DENND4C: variants seen among roughly 807,000 people sequenced by gnomAD.
DENND4C encodes DENN domain containing 4C, also known as DENN domain-containing protein 4C.
A neutral mutation model predicts 203.0 loss-of-function variants in DENND4C; 108 were observed. That is an observed-to-expected ratio of 0.53 (90% CI 0.46 to 0.62). The LOEUF (loss-of-function observed/expected upper bound fraction) is 0.62, where lower values mean the gene tolerates loss of function less well. Ranked by LOEUF, DENND4C falls within the 20% of genes least tolerant of loss-of-function variation. DENND4C has a pLI of 0.00. For missense variants in DENND4C, 2,481 were observed against 2,301.2 expected (o/e 1.08, Z -1.60); for synonymous variants, 871 against 792.4 (o/e 1.10, Z -1.67).
intron 2 of DENND4C, among the ~76,000 whole-genome samples, chr9:19,280,670 G>A (rs1409199320): frequency 1.3e-5 from 2 of 151,726 alleles, no homozygotes; most frequent in African/African-American, 2.4e-5. Context: ...TTGTGTTCCA[G>A]CATTCACTGT....
At chr9:19,280,416 G>C (rs890214853) in intron 2 of DENND4C, among the ~76,000 whole-genome samples, 2 of 152,112 alleles carry the variant, frequency 1.3e-5, no homozygotes, top group African/African-American at 4.8e-5. Flanking sequence ...AAGTGTTGAG[G>C]TTACAGGCAT....
chr9:19,297,194 T>A (rs1020547463), intron 6 of DENND4C, among the ~76,000 whole-genome samples: 32 of 152,208 alleles, frequency 2.1e-4, no homozygotes, highest in African/African-American at 7.7e-4. Context: ...TTCTTACAAT[T>A]TCAGAACTTT....
At chr9:19,243,637 C>T (rs1000119078) in intron 1 of DENND4C, among the ~76,000 whole-genome samples, 1 of 152,158 alleles carries the variant, frequency 6.6e-6, no homozygotes, top group Non-Finnish European at 1.5e-5. Flanking sequence ...TGTCCAGCTT[C>T]TTCGACTTAG....
At position 19,312,787 on chromosome 9, in the gene DENND4C, TTTGTC is replaced by T. The variant is rs563503119; in HGVS notation, c.1488-3625_1488-3621del. ...ATGGTTCTGCAGTGAAATGAATACT[TTTGTC>T]TTGTAGCCACTTTAAAAAAAATCAC... On this transcript the variant is annotated intron_variant, in intron 10 of 32. Transcript: ENST00000434457. Among the ~76,000 whole-genome samples the T allele has an allele frequency of 1.9e-3, 294 of 152,350 alleles. 1 individual carries two copies. The highest frequency in any genetic ancestry group is 5.5e-3 in the African/African-American group (227 of 41,580).
intron 1 of DENND4C, among the ~76,000 whole-genome samples, chr9:19,234,857 TTAAAA>T (rs1205324621): frequency 6.6e-6 from 1 of 152,074 alleles, no homozygotes; most frequent in African/African-American, 2.4e-5. Context: ...TTTTTTACTC[TTAAAA>T]TAATGCTATA....
At chr9:19,359,629 A>T (rs1031190104) in intron 28 of DENND4C, among the ~76,000 whole-genome samples, 1 of 151,532 alleles carries the variant, frequency 6.6e-6, no homozygotes, top group African/African-American at 2.5e-5. Context: ...CTTTAGAGGG[A>T]AATGGTTTTG....
At chr9:19,240,467 A>T (rs930944635) in intron 1 of DENND4C, among the ~76,000 whole-genome samples, 1 of 152,010 alleles carries the variant, frequency 6.6e-6, no homozygotes, top group African/African-American at 2.4e-5. Flanking sequence ...GGAGTTCGAG[A>T]CCAGCCTGGT....
At position 19,361,910 on chromosome 9, in the gene DENND4C, T is replaced by C. The variant is rs746919407; in HGVS notation, c.5471T>C (p.Ile1824Thr). 60 of 1,612,580 alleles carry C rather than the reference T, an allele frequency of 3.7e-5. No individual in the cohort carries two copies. The highest frequency in any genetic ancestry group is 4.8e-5 in the Non-Finnish European group (57 of 1,178,778). The change falls in exon 30 of 33, where the codon ATC becomes ACC. Residue 1824 changes from isoleucine to threonine, a missense_variant. Transcript: ENST00000434457. ...LVYIQLLWDN[I>T]NLHQEPREPL... ...TATATTCAGCTGTTATGGGATAATA[T>C]CAACCTTCATCAGGAACCAAGAGAA... is the stretch of plus-strand genomic sequence containing the variant.
intron 6 of DENND4C, among the ~76,000 whole-genome samples, chr9:19,297,081 G>A (rs759702099): frequency 6.6e-6 from 1 of 152,080 alleles, no homozygotes; most frequent in African/African-American, 2.4e-5. Context: ...TTCTAGTGGC[G>A]CATTGACTTC....
At chr9:19,303,140 C>A (rs1186135290) in intron 9 of DENND4C, among the ~76,000 whole-genome samples, 2 of 152,014 alleles carry the variant, frequency 1.3e-5, no homozygotes, top group Non-Finnish European at 2.9e-5. Context: ...GGTTGAACAT[C>A]CCTAATCTAA....
chr9:19,267,411 C>T (rs1049909781), intron 1 of DENND4C, among the ~76,000 whole-genome samples: 2 of 152,280 alleles, frequency 1.3e-5, no homozygotes, highest in Non-Finnish European at 2.9e-5. Flanking sequence ...TTATCTGATA[C>T]AAGTATACCT....
rs144402087 is a variant in DENND4C, at chr9:19,257,523, T to C, written c.-17-18635T>C. On this transcript the variant is annotated intron_variant, in intron 1 of 32. Transcript: ENST00000434457. ...TGAAAAAGAAGAGCAAATTAAACTC[T>C]ACATAAGCAGAGAAAAGAAAATAAT... 2.6e-3 allele frequency among the ~76,000 whole-genome samples: 396 copies of C among 152,158 alleles called. 3 individuals carry two copies. The highest frequency in any genetic ancestry group is 4.8e-3 in the Non-Finnish European group (328 of 68,012).
At chr9:19,248,900 C>T (rs930637324) in intron 1 of DENND4C, among the ~76,000 whole-genome samples, 6 of 151,708 alleles carry the variant, frequency 4.0e-5, no homozygotes, top group East Asian at 3.9e-4. Context: ...TGGTGATTCT[C>T]GTGCCTCAGA....
chr9:19,291,882 C>G (rs115080868), intron 5 of DENND4C, among the ~76,000 whole-genome samples: 3,205 of 152,046 alleles, frequency 0.021, 120 homozygotes, highest in African/African-American at 0.073. Context: ...GAAGGAGAGA[C>G]TAGAAAAGGA....
intron 20 of DENND4C, 77 bp from the exon 21 acceptor site, chr9:19,340,915 A>C: frequency 8.7e-7 from 1 of 1,147,226 alleles, no homozygotes; most frequent in East Asian, 3.4e-5. Flanking sequence ...AGATCAGTGG[A>C]ATTTTCTTGT....
At chr9:19,319,381 CAT>C (rs563706089) in intron 12 of DENND4C, among the ~76,000 whole-genome samples, 2,623 of 135,262 alleles carry the variant, frequency 0.019, 86 homozygotes, top group African/African-American at 0.069. Context: ...TATACACATA[CAT>C]ATATATATAC....
At chr9:19,336,070 T>A (rs1280515111) in intron 18 of DENND4C, among the ~76,000 whole-genome samples, 200 bp from the exon 19 acceptor site, 1 of 152,108 alleles carries the variant, frequency 6.6e-6, no homozygotes, top group East Asian at 1.9e-4. Flanking sequence ...TATGAGGTGA[T>A]AAGATATCTC....
At chr9:19,303,226 T>C (rs947229620) in intron 9 of DENND4C, among the ~76,000 whole-genome samples, 4 of 152,182 alleles carry the variant, frequency 2.6e-5, no homozygotes, top group African/African-American at 4.8e-5. Context: ...TGTTGGATTT[T>C]GCAGCACTTT....
chr9:19,346,014 G>A lies in DENND4C; in HGVS notation c.3245G>A (p.Gly1082Glu). The A allele has an allele frequency of 6.2e-7, 1 of 1,614,068 alleles. No homozygotes were observed. Among genetic ancestry groups the A allele is most frequent in the Non-Finnish European group, 8.5e-7 (1 of 1,180,020 alleles). ...AATCTCAAGAAGAATGGTGATAGAG[G>A]AGAAAAAAGACAAAAGCATTTTCCT... ...ATNLKKNGDRGEKRQKHFPER... is the reference protein window; with the variant it reads ...ATNLKKNGDREEKRQKHFPER... The change falls in exon 23 of 33, where the codon GGA (glycine) becomes GAA (glutamate). Residue 1082 changes from glycine to glutamate, a missense_variant. Transcript: ENST00000434457.
Sources: gnomAD v4.1 joint callset for allele counts (sites outside exome capture counted in the v4.1 genomes callset) on GRCh38, gnomAD v4.1.1 for gene constraint, MANE v1.5 for transcripts, NCBI Gene and HGNC (gene_info 2026-07-23, HGNC 2026-07-21) for gene names.